The following CADPS2 variants were observed in gnomAD, a reference collection of about 807,000 sequenced individuals.
The protein encoded by CADPS2 is calcium-dependent secretion activator 2.
CADPS2 carries 93 observed loss-of-function variants against 172.5 expected under a neutral mutation model. The ratio of observed to expected loss-of-function variants is 0.54; its 90% CI spans 0.46 to 0.64. The LOEUF is 0.64. Among genes scored for constraint, CADPS2 ranks in the 30% least tolerant of loss-of-function variants. The pLI is 0.00. For missense variants in CADPS2, 1,420 were observed against 1,565.9 expected (o/e 0.91, Z 1.57); for synonymous variants, 546 against 555.2 (o/e 0.98, Z 0.23).
chr7:122,822,044 G>A (rs912779857), intron 1 of CADPS2, among the ~76,000 whole-genome samples: 23 of 151,898 alleles, frequency 1.5e-4, no homozygotes, highest in East Asian at 3.9e-4. Flanking sequence ...ACTCATACAC[G>A]CCCTGCTCTT....
intron 17 of CADPS2, among the ~76,000 whole-genome samples, chr7:122,434,681 T>C (rs1046920408): frequency 1.3e-5 from 2 of 152,040 alleles, no homozygotes; most frequent in South Asian, 4.1e-4. Flanking sequence ...AAATGAATAA[T>C]TGTGATAAGG....
chr7:122,469,997 G>A (rs2055701643), intron 14 of CADPS2, among the ~76,000 whole-genome samples: 3 of 152,136 alleles, frequency 2.0e-5, no homozygotes, highest in Non-Finnish European at 4.4e-5. Context: ...AAAACATGGA[G>A]AATAAACAGA....
intron 25 of CADPS2, among the ~76,000 whole-genome samples, chr7:122,363,477 C>A (rs919724120): frequency 6.6e-6 from 1 of 151,866 alleles, no homozygotes; most frequent in Non-Finnish European, 1.5e-5. Flanking sequence ...AAGATAGAGG[C>A]AGGAAGCCTG....
intron 1 of CADPS2, among the ~76,000 whole-genome samples, chr7:122,738,526 A>C (rs1163168486): frequency 6.6e-6 from 1 of 152,140 alleles, no homozygotes; most frequent in Non-Finnish European, 1.5e-5. Context: ...TCCTGATCAG[A>C]CTTTATTAAC....
At chr7:122,350,407 A>G (rs889496966) in intron 27 of CADPS2, among the ~76,000 whole-genome samples, 3 of 152,192 alleles carry the variant, frequency 2.0e-5, no homozygotes, top group African/African-American at 4.8e-5. Flanking sequence ...ATGCTCTGGC[A>G]TTTATCAATT....
At chr7:122,694,111 T>C (rs2084765948) in intron 2 of CADPS2, among the ~76,000 whole-genome samples, 1 of 152,206 alleles carries the variant, frequency 6.6e-6, no homozygotes, top group Admixed American at 6.5e-5. Context: ...TGATTCAGGG[T>C]AGGCAAATGA....
intron 1 of CADPS2, among the ~76,000 whole-genome samples, chr7:122,762,714 CAAGATGACAGAAGAGATCTT>C (rs2093429185): frequency 6.6e-6 from 1 of 152,028 alleles, no homozygotes; most frequent in South Asian, 2.1e-4. Flanking sequence ...AGGGAATTTT[CAAGATGACAGAAGAGATCTT>C]AGGATGACAG....
chr7:122,334,850 A>T, intron 28 of CADPS2, among the ~76,000 whole-genome samples: 1 of 152,320 alleles, frequency 6.6e-6, no homozygotes, highest in East Asian at 1.9e-4. Flanking sequence ...GGAAATAAAA[A>T]TTTTTCAAAA....
chr7:122,854,176 G>A (rs541305060), intron 1 of CADPS2, among the ~76,000 whole-genome samples: 4 of 152,196 alleles, frequency 2.6e-5, no homozygotes, highest in South Asian at 2.1e-4. Context: ...CCTAGGTAAC[G>A]TGGCGAAACC....
chr7:122,388,439 C>A, intron 23 of CADPS2, 144 bp downstream of exon 23: 1 of 842,562 alleles, frequency 1.2e-6, no homozygotes, highest in Non-Finnish European at 1.7e-6. Flanking sequence ...AGAATTTAAT[C>A]AAGATAACCT....
intron 8 of CADPS2, among the ~76,000 whole-genome samples, chr7:122,546,468 T>C (rs528379233): frequency 6.6e-6 from 1 of 152,210 alleles, no homozygotes; most frequent in Non-Finnish European, 1.5e-5. Flanking sequence ...TTCCTTTTCA[T>C]CATTCCTGTA....
chr7:122,691,766 T>C (rs1188513991), intron 2 of CADPS2, among the ~76,000 whole-genome samples: 2 of 152,176 alleles, frequency 1.3e-5, no homozygotes, highest in African/African-American at 2.4e-5. Flanking sequence ...CCCAGTTCTA[T>C]TGTCAAGCAG....
At chr7:122,670,869 CAA>C (rs35788531) in intron 2 of CADPS2, among the ~76,000 whole-genome samples, 64 of 122,936 alleles carry the variant, frequency 5.2e-4, no homozygotes, top group Middle Eastern at 4.4e-3. Flanking sequence ...AACCCTGTTT[CAA>C]AAAAAAAAAA....
intron 6 of CADPS2, among the ~76,000 whole-genome samples, chr7:122,602,653 C>A (rs1405991116): frequency 6.6e-6 from 1 of 152,010 alleles, no homozygotes; most frequent in Non-Finnish European, 1.5e-5. Flanking sequence ...TTGGCTCCCA[C>A]TCTGCTTGGA....
chr7:122,686,736 G>A (rs556192288), intron 2 of CADPS2, among the ~76,000 whole-genome samples: 3 of 152,316 alleles, frequency 2.0e-5, no homozygotes, highest in South Asian at 2.1e-4. Flanking sequence ...CCAGGCTGGT[G>A]TGCAGTGGCA....
chr7:122,615,466 T>C (rs546898018), intron 5 of CADPS2, among the ~76,000 whole-genome samples, 167 bp from the exon 6 acceptor site: 37 of 152,264 alleles, frequency 2.4e-4, no homozygotes, highest in African/African-American at 8.2e-4. Flanking sequence ...CCTCTATTCA[T>C]AGAAGGTATA....
At chr7:122,872,042 A>C (rs1398374900) in intron 1 of CADPS2, among the ~76,000 whole-genome samples, 2 of 152,104 alleles carry the variant, frequency 1.3e-5, no homozygotes, top group Non-Finnish European at 2.9e-5. Context: ...CCTGAGCTCC[A>C]AACAACTGAC....
At chr7:122,585,143 G>A (rs1324304309) in intron 6 of CADPS2, among the ~76,000 whole-genome samples, 1 of 151,858 alleles carries the variant, frequency 6.6e-6, no homozygotes, top group East Asian at 1.9e-4. Flanking sequence ...ACTGCAGCAG[G>A]CCAGAAGACA....
At chr7:122,615,085 A>G in intron 6 of CADPS2, 96 bp downstream of exon 6, 1 of 634,676 alleles carries the variant, frequency 1.6e-6, no homozygotes. Flanking sequence ...TTTAGAGGGT[A>G]ATACCACACA....
Sources: gnomAD v4.1 joint callset for allele counts (sites outside exome capture counted in the v4.1 genomes callset) on GRCh38, gnomAD v4.1.1 for gene constraint, MANE v1.5 for transcripts, NCBI Gene and HGNC (gene_info 2026-07-23, HGNC 2026-07-21) for gene names.